The following MID2 variants were observed in gnomAD, a reference collection of about 807,000 sequenced individuals.
MID2 encodes midline 2.
MID2 carries 13 observed loss-of-function variants against 46.1 expected under a neutral mutation model. The ratio of observed to expected loss-of-function variants is 0.28; its 90% CI spans 0.18 to 0.45. MID2 has a LOEUF of 0.45. MID2 is among the 20% of genes least tolerant of loss of function. The pLI, the probability that MID2 is intolerant of heterozygous loss-of-function variation, is 1.00. For missense variants in MID2, 431 were observed against 575.4 expected (o/e 0.75, Z 2.57); for synonymous variants, 199 against 212.3 (o/e 0.94, Z 0.55).
At chrX:107,867,179 T>C (rs1181273733) in intron 3 of MID2, among the ~76,000 whole-genome samples, 1 of 111,981 alleles carries the variant, frequency 8.9e-6, no homozygotes. Flanking sequence ...TGAGACGGAG[T>C]CTCCCTTTGT....
chrX:107,873,585 T>C (rs1444026591), intron 3 of MID2, among the ~76,000 whole-genome samples: 2 of 111,961 alleles, frequency 1.8e-5, no homozygotes, highest in African/African-American at 3.2e-5. Flanking sequence ...CCCTGAGAGA[T>C]TGCCCATTCT....
intron 1 of MID2, among the ~76,000 whole-genome samples, chrX:107,836,327 T>A (rs1317302882): frequency 9.1e-6 from 1 of 110,367 alleles, no homozygotes; most frequent in Non-Finnish European, 1.9e-5. Flanking sequence ...CGATCTCGGC[T>A]CAAGCAACCT....
intron 3 of MID2, among the ~76,000 whole-genome samples, chrX:107,858,413 T>G (rs183976635): frequency 8.9e-6 from 1 of 112,375 alleles, no homozygotes; most frequent in Non-Finnish European, 1.9e-5. Flanking sequence ...CAAGGGAAAA[T>G]GTATACCAAC....
At chrX:107,922,544 C>T (rs1473571307) in intron 7 of MID2, among the ~76,000 whole-genome samples, 1 of 111,630 alleles carries the variant, frequency 9.0e-6, no homozygotes, top group Admixed American at 9.5e-5. Context: ...ATGTCATTTC[C>T]TCCCACATCC....
At chrX:107,867,985 T>C (rs1374786067) in intron 3 of MID2, among the ~76,000 whole-genome samples, 2 of 111,698 alleles carry the variant, frequency 1.8e-5, no homozygotes, top group African/African-American at 6.5e-5. Flanking sequence ...TAGACATAAA[T>C]ATAATTAAGG....
In MID2 at chrX:107,924,460, A is replaced by C; in HGVS notation, c.1553A>C (p.Gln518Pro). 1 of 1,211,644 alleles carries C rather than the reference A, an allele frequency of 8.3e-7. No individual in the cohort carries two copies. The highest frequency in any genetic ancestry group is 1.1e-6 in the Non-Finnish European group (1 of 895,359). ...RYIFIVKAINQAGSRNSEPTR... is the reference protein window; with the variant it reads ...RYIFIVKAINPAGSRNSEPTR... ...ATCTTCATCGTTAAAGCCATAAACC[A>C]AGCCGGCAGCCGGAACAGTGAACCT... Residue 518 changes from glutamine (Q) to proline (P), a missense_variant, in exon 8 of 10, where the codon CAA becomes CCA. Transcript: ENST00000262843.
At chrX:107,867,362 C>T (rs1931979825) in intron 3 of MID2, among the ~76,000 whole-genome samples, 1 of 107,958 alleles carries the variant, frequency 9.3e-6, no homozygotes. Flanking sequence ...GGGGTTTCAC[C>T]TTGTTGGCCA....
chrX:107,852,680 A>C (rs1477979860), intron 2 of MID2, among the ~76,000 whole-genome samples: 1 of 111,904 alleles, frequency 8.9e-6, no homozygotes, highest in Non-Finnish European at 1.9e-5. Flanking sequence ...ATGTGAAATC[A>C]CACTACCCAG....
chrX:107,915,009 A>C (rs1932945384), intron 5 of MID2, among the ~76,000 whole-genome samples: 1 of 112,457 alleles, frequency 8.9e-6, no homozygotes, highest in Non-Finnish European at 1.9e-5. Flanking sequence ...TAGTGTATGT[A>C]AAGTGAATGC....
chrX:107,873,146 A>G (rs1403620313), intron 3 of MID2, among the ~76,000 whole-genome samples: 1 of 111,593 alleles, frequency 9.0e-6, no homozygotes, highest in Non-Finnish European at 1.9e-5. Flanking sequence ...AGTCCAAAGC[A>G]AGGAATTATC....
At chrX:107,863,795 A>G (rs1406778351) in intron 3 of MID2, among the ~76,000 whole-genome samples, 1 of 112,711 alleles carries the variant, frequency 8.9e-6, no homozygotes, top group African/African-American at 3.2e-5. Flanking sequence ...ATAGGCACAC[A>G]GCCATTGAGA....
chrX:107,852,820 G>A (rs1931657583), intron 2 of MID2, among the ~76,000 whole-genome samples: 2 of 111,728 alleles, frequency 1.8e-5, no homozygotes, highest in Non-Finnish European at 3.8e-5. Flanking sequence ...TTTCCTTCAT[G>A]TTCCCTCTCT....
Position 107,841,340 on chromosome X carries a change from A to G in MID2, c.675A>G (p.Arg225=). ...CALCKLVGRH[R]DHQVASLNDR... ...TATGCAAACTGGTGGGTCGTCACCG[A>G]GACCATCAGGTCGCATCCCTGAATG... Residue 225 remains arginine (R), a synonymous_variant, in exon 2 of 10, where the codon CGA becomes CGG. Transcript: ENST00000262843. 8.3e-7 allele frequency: 1 copy of G among 1,208,721 alleles called. No individual in the cohort carries two copies. Among genetic ancestry groups the G allele is most frequent in the Non-Finnish European group, 1.1e-6 (1 of 893,502 alleles).
chrX:107,860,898 C>G (rs1931838223), intron 3 of MID2, among the ~76,000 whole-genome samples: 1 of 112,031 alleles, frequency 8.9e-6, no homozygotes. Context: ...GTTCATGCCA[C>G]TGGTAGGTAA....
chrX:107,904,875 T>G (rs1932823458), intron 4 of MID2, among the ~76,000 whole-genome samples: 1 of 111,056 alleles, frequency 9.0e-6, no homozygotes, highest in African/African-American at 3.3e-5. Context: ...ATGTGAGATG[T>G]TTTGAGAGGC....
rs1264890820 is a variant in MID2 at position 107,841,241 on chromosome X, G to A, written c.576G>A (p.Gly192=). 3 of 1,209,270 alleles carry A rather than the reference G, an allele frequency of 2.5e-6. No individual in the cohort carries two copies. The African/African-American group carries it at 5.3e-5, about 21-fold the overall frequency. ...VEPVPDTHLR[G]ITCLDHENEK... ...CAGTGCCAGACACACATCTTCGAGG[G>A]ATCACCTGCCTGGACCATGAGAATG... Residue 192 remains glycine (G), a synonymous_variant, in exon 2 of 10, where the codon GGG becomes GGA. Coordinates refer to ENST00000262843, the MANE Select transcript of MID2 (RefSeq NM_012216.4).
At chrX:107,905,266 G>C (rs1932826301) in intron 4 of MID2, among the ~76,000 whole-genome samples, 1 of 110,786 alleles carries the variant, frequency 9.0e-6, no homozygotes, top group African/African-American at 3.3e-5. Flanking sequence ...TGCAGCCTAA[G>C]TATGCAAGCA....
Position 107,929,805 on chromosome X carries a change from T to C in MID2, c.*2732T>C, listed in dbSNP as rs1001644291. On this transcript the variant is annotated 3_prime_UTR_variant, in exon 10 of 10. Transcript: ENST00000262843. ...ACTCTTTATTCCTTAGACTTGATGA[T>C]GCATCCCTCTTTAGAGATCCAAAGA... Among the ~76,000 whole-genome samples, 8 of 111,543 alleles carry C rather than the reference T, an allele frequency of 7.2e-5. No individual in the cohort carries two copies. The highest frequency in any genetic ancestry group is 2.0e-4 in the African/African-American group (6 of 30,655).
At chrX:107,834,094 C>T (rs1286196431) in intron 1 of MID2, among the ~76,000 whole-genome samples, 2 of 111,728 alleles carry the variant, frequency 1.8e-5, no homozygotes, top group African/African-American at 6.5e-5. Flanking sequence ...ACGCCAGACC[C>T]ATTATTTTTT....
Sources: gnomAD v4.1 joint callset for allele counts (sites outside exome capture counted in the v4.1 genomes callset) on GRCh38, gnomAD v4.1.1 for gene constraint, MANE v1.5 for transcripts, NCBI Gene and HGNC (gene_info 2026-07-23, HGNC 2026-07-21) for gene names.